XNDC1N: variants seen among roughly 807,000 people sequenced by gnomAD.
XNDC1N encodes the protein XRCC1 N-terminal domain containing 1, N-terminal like.
At chr11:71,885,921 CATT>C in the XNDC1N span, among the ~76,000 whole-genome samples, 10 of 150,954 alleles carry the variant, frequency 6.6e-5, no homozygotes, top group South Asian at 4.2e-4. Context: ...TATTAATTAT[CATT>C]ATTATCGGTA....
At chr11:71,916,311 CAG>C in the XNDC1N span, 2,009 of 693,464 alleles carry the variant, frequency 2.9e-3, 6 homozygotes, top group South Asian at 4.4e-3. Context: ...ATGGGAGAGA[CAG>C]AGGAAGAAAA....
At chr11:71,912,607 C>T in the XNDC1N span, among the ~76,000 whole-genome samples, 1 of 152,150 alleles carries the variant, frequency 6.6e-6, no homozygotes, top group Admixed American at 6.5e-5. Context: ...AAAGGGTGAA[C>T]AACCCCTGCG....
the XNDC1N span, among the ~76,000 whole-genome samples, chr11:71,872,127 T>G: frequency 4.0e-3 from 606 of 152,282 alleles, 7 homozygotes; most frequent in African/African-American, 0.014. Context: ...ATGGATGAAC[T>G]TCCACAACAT....
At chr11:71,887,986 AG>A in the XNDC1N span, among the ~76,000 whole-genome samples, 1 of 152,148 alleles carries the variant, frequency 6.6e-6, no homozygotes, top group Non-Finnish European at 1.5e-5. Flanking sequence ...GGCTTCCCCA[AG>A]GGGTCAAGAA....
the XNDC1N span, among the ~76,000 whole-genome samples, chr11:71,920,169 A>C: frequency 2.7e-5 from 4 of 149,978 alleles, no homozygotes; most frequent in Non-Finnish European, 4.4e-5. Flanking sequence ...CGTGTTAGCC[A>C]GGATGGTCTG....
the XNDC1N span, among the ~76,000 whole-genome samples, chr11:71,908,428 T>A: frequency 6.6e-6 from 1 of 152,056 alleles, no homozygotes; most frequent in East Asian, 1.9e-4. Flanking sequence ...TTAAAATTGA[T>A]AATTATTAGC....
At chr11:71,902,243 G>A in the XNDC1N span, among the ~76,000 whole-genome samples, 7 of 152,344 alleles carry the variant, frequency 4.6e-5, no homozygotes, top group Non-Finnish European at 8.8e-5. Context: ...CCAGGCTGGC[G>A]TGCAGTGGTG....
At chr11:71,875,667 T>C in the XNDC1N span, among the ~76,000 whole-genome samples, 1 of 152,174 alleles carries the variant, frequency 6.6e-6, no homozygotes, top group South Asian at 2.1e-4. Flanking sequence ...ATTTTGTGTT[T>C]TGTTTTTAAC....
the XNDC1N span, chr11:71,914,531 C>CA: frequency 5.6e-6 from 2 of 360,034 alleles, no homozygotes; most frequent in African/African-American, 2.1e-5. Flanking sequence ...TACTAAAATA[C>CA]AAAAAATTAG....
At chr11:71,905,909 C>A in the XNDC1N span, among the ~76,000 whole-genome samples, 17 of 151,996 alleles carry the variant, frequency 1.1e-4, no homozygotes, top group African/African-American at 3.9e-4. Context: ...ATCTCTCTAT[C>A]AGATTGCAAA....
chr11:71,867,247 A>T, the XNDC1N span, among the ~76,000 whole-genome samples: 2 of 152,232 alleles, frequency 1.3e-5, no homozygotes, highest in East Asian at 3.9e-4. Flanking sequence ...ATGAAACAGA[A>T]CATCTGTAAG....
the XNDC1N span, among the ~76,000 whole-genome samples, chr11:71,919,934 T>C: frequency 1.6e-5 from 1 of 60,862 alleles, no homozygotes; most frequent in Non-Finnish European, 3.0e-5. Flanking sequence ...GGCCTCTTTT[T>C]TTTTTTTTTT....
the XNDC1N span, chr11:71,916,013 T>C: frequency 5.9e-6 from 4 of 679,040 alleles, no homozygotes. Context: ...CATCAGTTTC[T>C]TAAACAGAAA....
chr11:71,903,121 G>A, the XNDC1N span: 1 of 638,094 alleles, frequency 1.6e-6, no homozygotes. Context: ...CACAATGCTG[G>A]GTATTGGTTT....
the XNDC1N span, among the ~76,000 whole-genome samples, chr11:71,867,802 C>A: frequency 2.6e-5 from 4 of 152,052 alleles, no homozygotes; most frequent in Admixed American, 2.6e-4. Context: ...TCTTTTAGGT[C>A]CATTTGGTCA....
At chr11:71,885,966 A>T in the XNDC1N span, among the ~76,000 whole-genome samples, 1 of 151,930 alleles carries the variant, frequency 6.6e-6, no homozygotes, top group Admixed American at 6.6e-5. Flanking sequence ...GGTTATTAAT[A>T]TTGATAATTA....
the XNDC1N span, among the ~76,000 whole-genome samples, chr11:71,886,117 G>A: frequency 6.6e-6 from 1 of 152,106 alleles, no homozygotes; most frequent in African/African-American, 2.4e-5. Flanking sequence ...GATAGATGAG[G>A]ATGGTCACGT....
the XNDC1N span, chr11:71,878,488 C>T: frequency 2.4e-5 from 38 of 1,611,576 alleles, 1 homozygote; most frequent in Non-Finnish European, 3.0e-5. Context: ...GAGTCCTTTC[C>T]TTGATGTCCA....
At chr11:71,928,558 T>C in the XNDC1N span, 5 of 702,532 alleles carry the variant, frequency 7.1e-6, no homozygotes, top group South Asian at 1.5e-5. Flanking sequence ...CGAGGCAAGA[T>C]GGCAGGTGCT....
Sources: allele counts gnomAD v4.1 joint callset (sites outside exome capture counted in the v4.1 genomes callset), GRCh38; gene constraint gnomAD v4.1.1; transcripts MANE v1.5; gene names NCBI Gene and HGNC (gene_info 2026-07-23, HGNC 2026-07-21).